The following PTPRE variants were observed in gnomAD, a reference collection of about 807,000 sequenced individuals.
PTPRE encodes protein tyrosine phosphatase receptor type E.
A neutral mutation model predicts 102.0 loss-of-function variants in PTPRE; 51 were observed. The observed-to-expected ratio is 0.50, with a 90% CI of 0.40 to 0.63. The LOEUF is 0.63. Ranked by LOEUF, PTPRE falls within the 30% of genes least tolerant of loss-of-function variation. PTPRE has a pLI of 0.00. For missense variants in PTPRE, 752 were observed against 915.1 expected (o/e 0.82, Z 2.30); for synonymous variants, 345 against 348.2 (o/e 0.99, Z 0.10).
At chr10:128,069,631 C>A in intron 12 of PTPRE, 61 bp from the exon 13 acceptor site, 1 of 1,599,682 alleles carries the variant, frequency 6.3e-7, no homozygotes, top group Non-Finnish European at 8.5e-7. Flanking sequence ...CCCTTCGGGG[C>A]CTTTCATTTA....
Position 128,028,624 on chromosome 10 carries a change from C to T in PTPRE, c.-7-12251C>T, listed in dbSNP as rs547030858. Reference sequence around the variant, plus strand: ...CAGAAGCGGCAGCCCCATCTGTCCCCGAGACCCCACCCCCTCAGGCACAGC... The same window carrying T: ...CAGAAGCGGCAGCCCCATCTGTCCCTGAGACCCCACCCCCTCAGGCACAGC... On this transcript the variant is annotated intron_variant, in intron 2 of 20. Coordinates refer to ENST00000254667, the MANE Select transcript of PTPRE (RefSeq NM_006504.6). The surrounding 1 kb of genome is among the most constrained non-coding windows in gnomAD (Gnocchi z 4.5). 6.6e-5 allele frequency among the ~76,000 whole-genome samples: 10 copies of T among 152,226 alleles called. No homozygotes were observed. In the East Asian group the frequency reaches 9.7e-4, roughly 15 times the overall value.
chr10:128,065,653 G>GA (rs1484041529), intron 10 of PTPRE, among the ~76,000 whole-genome samples: 1 of 152,148 alleles, frequency 6.6e-6, no homozygotes, highest in Non-Finnish European at 1.5e-5. Context: ...AACTGAGCAG[G>GA]AAAAACACAA....
At chr10:128,049,781 CACT>C in intron 6 of PTPRE, 115 bp downstream of exon 6, 1 of 1,460,182 alleles carries the variant, frequency 6.8e-7, no homozygotes, top group East Asian at 2.4e-5. Flanking sequence ...TCAGTTATGA[CACT>C]GTCCCATGAA....
intron 1 of PTPRE, among the ~76,000 whole-genome samples, chr10:127,933,882 G>T (rs1005532897): frequency 1.3e-5 from 2 of 152,126 alleles, no homozygotes; most frequent in African/African-American, 4.8e-5. Context: ...CCTAAACCTC[G>T]ATTTCCCTAA....
At chr10:127,977,684 A>G (rs1851284500) in intron 1 of PTPRE, among the ~76,000 whole-genome samples, 1 of 152,230 alleles carries the variant, frequency 6.6e-6, no homozygotes, top group Non-Finnish European at 1.5e-5. Flanking sequence ...TTGCAAGGTT[A>G]GGATGCACAA....
chr10:127,935,602 T>C (rs1046285079), intron 1 of PTPRE, among the ~76,000 whole-genome samples: 3 of 152,130 alleles, frequency 2.0e-5, no homozygotes, highest in Non-Finnish European at 1.5e-5. Context: ...GGCAGGACCC[T>C]GTCTCCACCC....
chr10:128,052,902 C>T (rs184006167), intron 6 of PTPRE, among the ~76,000 whole-genome samples: 105 of 152,256 alleles, frequency 6.9e-4, no homozygotes, highest in Middle Eastern at 6.8e-3. Flanking sequence ...CTGCTGCCTG[C>T]CCGACACTAC....
chr10:127,974,052 G>A (rs1222972177), intron 1 of PTPRE, among the ~76,000 whole-genome samples: 1 of 152,178 alleles, frequency 6.6e-6, no homozygotes, highest in African/African-American at 2.4e-5. Flanking sequence ...ATTCTTCTCT[G>A]CAGCCATCAC....
At position 127,988,983 on chromosome 10, in the gene PTPRE, G is replaced by A. The variant is rs186601865; in HGVS notation, c.-8+6687G>A. Among the ~76,000 whole-genome samples the A allele has an allele frequency of 5.7e-4, 86 of 152,170 alleles. No individual in the cohort carries two copies. In the East Asian group the frequency reaches 0.015, roughly 27 times the overall value. ...TTCTCCTTGTTTTGAATAGAAATGAGCATAAGCAAAAAAACGAAAACTGGA... is the reference window on the plus strand; with the variant it reads ...TTCTCCTTGTTTTGAATAGAAATGAACATAAGCAAAAAAACGAAAACTGGA... On this transcript the variant is annotated intron_variant, in intron 2 of 20. Transcript: ENST00000254667.
intron 2 of PTPRE, among the ~76,000 whole-genome samples, chr10:127,986,945 G>A (rs1302171075): frequency 6.6e-6 from 1 of 152,058 alleles, no homozygotes; most frequent in Non-Finnish European, 1.5e-5. Flanking sequence ...CTTATACTGG[G>A]GTTTTTTATG....
chr10:127,920,175 G>A (rs553164096), intron 1 of PTPRE, among the ~76,000 whole-genome samples: 22 of 152,294 alleles, frequency 1.4e-4, no homozygotes, highest in Non-Finnish European at 1.2e-4. Flanking sequence ...AAGAAAGTGC[G>A]TGGAGCCTGG....
intron 2 of PTPRE, among the ~76,000 whole-genome samples, chr10:128,010,880 T>C (rs1419381376): frequency 2.0e-5 from 3 of 152,138 alleles, no homozygotes; most frequent in Non-Finnish European, 4.4e-5. Context: ...CGTGAGCCAC[T>C]GCTCCCGGCC....
intron 2 of PTPRE, among the ~76,000 whole-genome samples, chr10:128,038,371 G>A (rs1368368707): frequency 2.6e-5 from 4 of 152,150 alleles, no homozygotes; most frequent in East Asian, 3.9e-4. Flanking sequence ...TGTTTATTGC[G>A]GCACTATTCA....
chr10:128,043,806 GA>G (rs1223289689), intron 3 of PTPRE, among the ~76,000 whole-genome samples: 5 of 152,152 alleles, frequency 3.3e-5, no homozygotes, highest in African/African-American at 1.2e-4. Context: ...ACAGAATGAG[GA>G]AGCTTATCTG....
At chr10:128,007,677 G>A (rs989524532) in intron 2 of PTPRE, among the ~76,000 whole-genome samples, 4 of 152,180 alleles carry the variant, frequency 2.6e-5, no homozygotes, top group African/African-American at 4.8e-5. Flanking sequence ...AGGCTCTGCC[G>A]TTTTACCAGC....
intron 3 of PTPRE, among the ~76,000 whole-genome samples, chr10:128,042,160 C>A (rs1296310893): frequency 6.6e-6 from 1 of 152,164 alleles, no homozygotes; most frequent in East Asian, 1.9e-4. Flanking sequence ...AACCCACAAT[C>A]CCGACTTTTC....
intron 1 of PTPRE, among the ~76,000 whole-genome samples, chr10:127,924,898 G>A (rs532029252): frequency 3.5e-4 from 54 of 152,336 alleles, no homozygotes; most frequent in African/African-American, 1.3e-3. Flanking sequence ...TCAGACATTG[G>A]TACCAGCTCT....
intron 16 of PTPRE, 184 bp downstream of exon 16, chr10:128,072,398 A>G: frequency 9.3e-6 from 5 of 537,352 alleles, no homozygotes; most frequent in Non-Finnish European, 1.6e-5. Flanking sequence ...CACACCTGTA[A>G]TCCCAACACT....
At chr10:127,951,416 A>G (rs1849013792) in intron 1 of PTPRE, among the ~76,000 whole-genome samples, 1 of 152,182 alleles carries the variant, frequency 6.6e-6, no homozygotes, top group South Asian at 2.1e-4. Context: ...ATAAACAGAC[A>G]ATTTGGGAAC....
Sources: allele counts gnomAD v4.1 joint callset (sites outside exome capture counted in the v4.1 genomes callset), GRCh38; gene constraint gnomAD v4.1.1; non-coding constraint Gnocchi (gnomAD v3.1); transcripts MANE v1.5; gene names NCBI Gene and HGNC (gene_info 2026-07-23, HGNC 2026-07-21).